The following ASIC2 variants were observed in gnomAD, a reference collection of about 807,000 sequenced individuals.
The protein encoded by ASIC2 is acid sensing ion channel subunit 2.
A neutral mutation model predicts 57.3 loss-of-function variants in ASIC2; 25 were observed. The observed-to-expected ratio is 0.44, with a 90% confidence interval of 0.32 to 0.61. ASIC2 has a LOEUF of 0.61. ASIC2 is among the 20% of genes least tolerant of loss of function. ASIC2 has a pLI of 0.06. For missense variants in ASIC2, 641 were observed against 738.1 expected (o/e 0.87, Z 1.52); for synonymous variants, 319 against 307.5 (o/e 1.04, Z -0.39).
chr17:34,115,789 C>T (rs532857548), intron 1 of ASIC2, among the ~76,000 whole-genome samples: 8 of 152,306 alleles, frequency 5.3e-5, no homozygotes, highest in African/African-American at 1.9e-4. Flanking sequence ...CACCATATTT[C>T]AGCTGTAACT....
intron 1 of ASIC2, among the ~76,000 whole-genome samples, chr17:34,142,794 G>A (rs1488976558): frequency 6.6e-6 from 1 of 152,190 alleles, no homozygotes; most frequent in East Asian, 1.9e-4. Context: ...TCCACCTAGA[G>A]TGAGATTTAA....
At chr17:33,410,546 C>A (rs1345623841) in intron 1 of ASIC2, among the ~76,000 whole-genome samples, 1 of 152,220 alleles carries the variant, frequency 6.6e-6, no homozygotes, top group African/African-American at 2.4e-5. Flanking sequence ...TGCCCTCAGC[C>A]CCATGCCTGT....
chr17:33,441,192 T>C (rs567780094), intron 1 of ASIC2, among the ~76,000 whole-genome samples: 1 of 152,296 alleles, frequency 6.6e-6, no homozygotes, highest in South Asian at 2.1e-4. Context: ...CCTAGTTTGG[T>C]CTTGAATTCC....
chr17:33,516,336 G>T (rs1194541726), intron 1 of ASIC2, among the ~76,000 whole-genome samples: 3 of 151,712 alleles, frequency 2.0e-5, no homozygotes, highest in Admixed American at 2.0e-4. Flanking sequence ...GTATGAGTGT[G>T]TGTGTTTGTA....
intron 3 of ASIC2, 121 bp from the exon 4 acceptor site, chr17:33,028,513 C>G: frequency 8.1e-7 from 1 of 1,235,526 alleles, no homozygotes; most frequent in South Asian, 1.6e-5. Context: ...TATAGACCTT[C>G]AACATCTGGC....
At chr17:33,912,894 G>T (rs761109784) in intron 1 of ASIC2, among the ~76,000 whole-genome samples, 2 of 152,014 alleles carry the variant, frequency 1.3e-5, no homozygotes, top group African/African-American at 4.8e-5. Context: ...CAGGAGAATC[G>T]CTTGAACCCA....
chr17:33,995,156 G>A (rs987620696), intron 1 of ASIC2, among the ~76,000 whole-genome samples: 11 of 152,242 alleles, frequency 7.2e-5, no homozygotes, highest in Admixed American at 6.5e-5. Flanking sequence ...AACACCAACA[G>A]CTCCCACTGG....
At chr17:33,452,280 G>A (rs1029828912) in intron 1 of ASIC2, among the ~76,000 whole-genome samples, 2 of 152,212 alleles carry the variant, frequency 1.3e-5, no homozygotes, top group Non-Finnish European at 2.9e-5. Context: ...GTTGCTCTTG[G>A]CCTCTTTGAA....
At chr17:34,148,147 A>G (rs1385221612) in intron 1 of ASIC2, among the ~76,000 whole-genome samples, 1 of 152,238 alleles carries the variant, frequency 6.6e-6, no homozygotes, top group African/African-American at 2.4e-5. Context: ...GCAGTTCTGG[A>G]TGTCTAAAAT....
intron 1 of ASIC2, among the ~76,000 whole-genome samples, chr17:33,898,565 G>A (rs1915160571): frequency 6.6e-6 from 1 of 152,084 alleles, no homozygotes; most frequent in African/African-American, 2.4e-5. Context: ...GCTTCCCGTA[G>A]TACAATAATC....
chr17:33,473,031 C>T (rs557355304), intron 1 of ASIC2, among the ~76,000 whole-genome samples: 106 of 152,252 alleles, frequency 7.0e-4, no homozygotes, highest in African/African-American at 2.4e-3. Flanking sequence ...ATGAGTCAGC[C>T]GGGAGCACAG....
intron 1 of ASIC2, among the ~76,000 whole-genome samples, chr17:33,381,367 G>T (rs1240814719): frequency 6.6e-6 from 1 of 152,218 alleles, no homozygotes; most frequent in South Asian, 2.1e-4. Context: ...TTGCTCAGGC[G>T]CTGCCGCCTC....
chr17:34,104,190 A>G (rs1288434282), intron 1 of ASIC2, among the ~76,000 whole-genome samples: 1 of 152,094 alleles, frequency 6.6e-6, no homozygotes, highest in East Asian at 1.9e-4. Context: ...AAATTTATCA[A>G]GCATTTTACA....
chr17:33,628,952 C>G lies in ASIC2; in HGVS notation c.556-516885G>C, dbSNP rs1442616356. 2.0e-5 allele frequency among the ~76,000 whole-genome samples: 3 copies of G among 152,172 alleles called. No individual in the cohort carries two copies. In the East Asian group the frequency reaches 5.8e-4, roughly 29 times the overall value. On this transcript the variant is annotated intron_variant, in intron 1 of 9. Coordinates refer to the ASIC2 transcript ENST00000359872. ...CTGTTGCACGTGGGAGCCCTCAGCA[C>G]AGTGTTGGGAATACAGCATGGATGC... is the stretch of plus-strand genomic sequence containing the variant.
At chr17:33,697,263 T>C (rs1304702850) in intron 1 of ASIC2, among the ~76,000 whole-genome samples, 1 of 152,204 alleles carries the variant, frequency 6.6e-6, no homozygotes, top group East Asian at 1.9e-4. Context: ...GTCTCAGGTA[T>C]CTCTTTATAG....
At chr17:33,728,774 G>A (rs1177638083) in intron 1 of ASIC2, among the ~76,000 whole-genome samples, 4 of 152,202 alleles carry the variant, frequency 2.6e-5, no homozygotes, top group African/African-American at 9.6e-5. Flanking sequence ...TGGGAAGGCA[G>A]AGGAAGAGTT....
chr17:33,704,162 C>T (rs1239652888), intron 1 of ASIC2, among the ~76,000 whole-genome samples: 1 of 152,220 alleles, frequency 6.6e-6, no homozygotes, highest in African/African-American at 2.4e-5. Flanking sequence ...TAAGCCTCAG[C>T]ATTAGCATTG....
intron 1 of ASIC2, among the ~76,000 whole-genome samples, chr17:33,161,049 C>A (rs1022665790): frequency 6.6e-6 from 1 of 152,178 alleles, no homozygotes; most frequent in Non-Finnish European, 1.5e-5. Context: ...TAAATCTCAA[C>A]ACAAGCTTAG....
intron 1 of ASIC2, among the ~76,000 whole-genome samples, chr17:33,356,611 C>T (rs1265021198): frequency 1.3e-5 from 2 of 152,166 alleles, no homozygotes; most frequent in African/African-American, 2.4e-5. Context: ...CCACTACAGA[C>T]AGCACTTTTA....
Sources: allele counts gnomAD v4.1 joint callset (sites outside exome capture counted in the v4.1 genomes callset), GRCh38; gene constraint gnomAD v4.1.1; transcripts MANE v1.5; gene names NCBI Gene and HGNC (gene_info 2026-07-23, HGNC 2026-07-21).